Variants in TUSC3 observed in about 807,000 individuals in gnomAD.
TUSC3 encodes the protein dolichyl-diphosphooligosaccharide--protein glycosyltransferase subunit TUSC3.
In TUSC3, 45 loss-of-function variants were observed where a neutral mutation model predicts 44.8. That is an observed-to-expected ratio of 1.00 (90% CI 0.79 to 1.29). The LOEUF (loss-of-function observed/expected upper bound fraction) is 1.29. Among genes scored for constraint, TUSC3 ranks in the 50% most tolerant of loss-of-function variants. The probability of loss-of-function intolerance (pLI) is 0.00; values close to 1 mark genes in which losing one functional copy is unlikely to be tolerated. For missense variants in TUSC3, 519 were observed against 437.9 expected, an observed-to-expected ratio of 1.19 and a Z score of -1.65; for synonymous variants, 212 against 152.9, an observed-to-expected ratio of 1.39 and a Z score of -2.85.
At chr8:15,554,760 C>A (rs994656741) in intron 1 of TUSC3, among the ~76,000 whole-genome samples, 3 of 150,016 alleles carry the variant, frequency 2.0e-5, no homozygotes, top group Admixed American at 6.7e-5. Flanking sequence ...CCTCACCACG[C>A]CCGGCTAATT....
At chr8:15,743,456 C>G (rs1811278186) in intron 7 of TUSC3, 82 bp from the exon 8 acceptor site, 3 of 1,384,114 alleles carry the variant, frequency 2.2e-6, no homozygotes, top group South Asian at 1.2e-5. Context: ...TTTAACCATT[C>G]TGGAACATTG....
chr8:15,769,163 C>A (rs923974300), downstream of TUSC3, among the ~76,000 whole-genome samples: 4 of 152,140 alleles, frequency 2.6e-5, no homozygotes, highest in African/African-American at 9.7e-5. Context: ...ATCACTCTAC[C>A]TGACTTCAAA....
chr8:15,441,286 A>C (rs1563251589), intron 1 of TUSC3, among the ~76,000 whole-genome samples: 4 of 152,138 alleles, frequency 2.6e-5, no homozygotes, highest in Non-Finnish European at 5.9e-5. Flanking sequence ...ACGTGGCTGT[A>C]ATCCCAGCTA....
At chr8:15,736,112 T>TAAAC (rs1810927586) in intron 7 of TUSC3, among the ~76,000 whole-genome samples, 2 of 152,090 alleles carry the variant, frequency 1.3e-5, no homozygotes, top group African/African-American at 2.4e-5. Flanking sequence ...TGGGGATATG[T>TAAAC]AAACATAAAT....
At chr8:15,520,104 C>T (rs1801275606) in intron 2 of TUSC3, among the ~76,000 whole-genome samples, 1 of 152,108 alleles carries the variant, frequency 6.6e-6, no homozygotes, top group African/African-American at 2.4e-5. Context: ...ATCCTGTTAT[C>T]CTTTCCTGTT....
intron 1 of TUSC3, among the ~76,000 whole-genome samples, chr8:15,593,188 C>T (rs1025849113): frequency 3.9e-5 from 6 of 152,076 alleles, no homozygotes; most frequent in East Asian, 1.9e-4. Flanking sequence ...TGGGTTCAAG[C>T]GATTCTTCTG....
At chr8:15,527,812 C>T (rs1801395940) in intron 2 of TUSC3, among the ~76,000 whole-genome samples, 1 of 152,214 alleles carries the variant, frequency 6.6e-6, no homozygotes, top group African/African-American at 2.4e-5. Flanking sequence ...AAGCTCTTCA[C>T]TTAAAATGCT....
chr8:15,445,671 A>G (rs980627082), intron 1 of TUSC3, among the ~76,000 whole-genome samples: 6 of 152,218 alleles, frequency 3.9e-5, no homozygotes, highest in African/African-American at 1.2e-4. Flanking sequence ...AGGCAGAGGA[A>G]TTTTTCTTAG....
intron 1 of TUSC3, among the ~76,000 whole-genome samples, chr8:15,562,525 C>T (rs181255578): frequency 1.6e-3 from 240 of 152,218 alleles, no homozygotes; most frequent in African/African-American, 5.6e-3. Context: ...TTCTAGATGT[C>T]AGAAGTCTGG....
chr8:15,577,924 T>C (rs1005815122), intron 1 of TUSC3, among the ~76,000 whole-genome samples: 3,941 of 150,892 alleles, frequency 0.026, 186 homozygotes, highest in African/African-American at 0.09. Context: ...ATTTTTATGA[T>C]ACTGATTCTT....
chr8:15,774,068 G>A, the TUSC3 span, among the ~76,000 whole-genome samples: 1 of 152,078 alleles, frequency 6.6e-6, no homozygotes, highest in Non-Finnish European at 1.5e-5. Context: ...AAAAACTTTT[G>A]TGCATTAAAA....
intron 1 of TUSC3, among the ~76,000 whole-genome samples, chr8:15,621,978 T>C (rs1805267487): frequency 6.6e-6 from 1 of 152,162 alleles, no homozygotes; most frequent in African/African-American, 2.4e-5. Flanking sequence ...AACAAGTCTT[T>C]TACCTTAACT....
At chr8:15,679,065 ATACAAG>A (rs1194956297) in intron 6 of TUSC3, among the ~76,000 whole-genome samples, 1 of 152,224 alleles carries the variant, frequency 6.6e-6, no homozygotes, top group African/African-American at 2.4e-5. Context: ...TACAGTGAAC[ATACAAG>A]TACATGTGTC....
chr8:15,826,146 T>C, the TUSC3 span, among the ~76,000 whole-genome samples: 2 of 152,154 alleles, frequency 1.3e-5, no homozygotes, highest in Non-Finnish European at 2.9e-5. Context: ...CTAGTTTAAA[T>C]ATAGAGTTCA....
chr8:15,554,474 A>G (rs922354728), intron 1 of TUSC3, among the ~76,000 whole-genome samples: 5 of 151,456 alleles, frequency 3.3e-5, no homozygotes, highest in Admixed American at 1.3e-4. Context: ...CTCCCTGACA[A>G]CTCACAATGA....
At chr8:15,842,341 A>T in the TUSC3 span, among the ~76,000 whole-genome samples, 1 of 152,126 alleles carries the variant, frequency 6.6e-6, no homozygotes, top group African/African-American at 2.4e-5. Context: ...AATCAGTCTT[A>T]ATACTTACCT....
At chr8:15,505,082 C>T (rs1801035216) in intron 2 of TUSC3, among the ~76,000 whole-genome samples, 1 of 152,076 alleles carries the variant, frequency 6.6e-6, no homozygotes, top group Admixed American at 6.6e-5. Flanking sequence ...AATTCCACCT[C>T]CCACATTGTA....
chr8:15,545,123 C>T (rs1801820179), intron 1 of TUSC3, among the ~76,000 whole-genome samples: 2 of 151,138 alleles, frequency 1.3e-5, no homozygotes, highest in South Asian at 4.2e-4. Flanking sequence ...TGTCATATGC[C>T]TGATGTCGTA....
intron 7 of TUSC3, among the ~76,000 whole-genome samples, chr8:15,736,729 T>TATCA (rs1020641013): frequency 2.7e-4 from 41 of 152,310 alleles, no homozygotes; most frequent in African/African-American, 7.9e-4. Flanking sequence ...CCTTTTTTTC[T>TATCA]ATCAATCAGT....
Sources: gnomAD v4.1 joint callset for allele counts (sites outside exome capture counted in the v4.1 genomes callset) on GRCh38, gnomAD v4.1.1 for gene constraint, MANE v1.5 for transcripts, NCBI Gene and HGNC (gene_info 2026-07-23, HGNC 2026-07-21) for gene names.